TBL1XR1: variants seen among roughly 807,000 people sequenced by gnomAD.
TBL1XR1 encodes the protein F-box-like/WD repeat-containing protein TBL1XR1.
Under a neutral mutation model 66.9 loss-of-function variants are expected in TBL1XR1, and 5 were observed. The observed-to-expected ratio is 0.07, with a 90% confidence interval of 0.04 to 0.16. The LOEUF is 0.16. TBL1XR1 is among the 10% of genes least tolerant of loss of function. The pLI, the probability that TBL1XR1 is intolerant of heterozygous loss-of-function variation, is 1.00. For synonymous variants in TBL1XR1, 210 were observed against 206.0 expected (o/e 1.02, Z -0.17); for missense variants, 238 against 623.2 (o/e 0.38, Z 6.58).
intron 1 of TBL1XR1, chr3:177,120,810 A>C (rs1726896244): frequency 6.6e-6 from 1 of 152,266 alleles, no homozygotes; most frequent in South Asian, 2.1e-4. Context: ...TCAAATTTAC[A>C]GTATTTTAAT....
chr3:177,133,487 A>G (rs1347167202), intron 1 of TBL1XR1, among the ~76,000 whole-genome samples: 1 of 152,170 alleles, frequency 6.6e-6, no homozygotes, highest in Non-Finnish European at 1.5e-5. Flanking sequence ...ACTAGGCATG[A>G]TTAACAGTCA....
At chr3:177,032,749 A>G in intron 14 of TBL1XR1, 2 of 367,890 alleles carry the variant, frequency 5.4e-6, no homozygotes, top group East Asian at 4.1e-5. Flanking sequence ...GGAAAAAAAC[A>G]AAAGAATACA....
At chr3:177,050,642 G>A in intron 5 of TBL1XR1, 32 bp from the exon 6 acceptor site, 1 of 1,612,522 alleles carries the variant, frequency 6.2e-7, no homozygotes, top group Non-Finnish European at 8.5e-7. Flanking sequence ...AGCATTTCCA[G>A]TTAGGCAGTA....
intron 1 of TBL1XR1, among the ~76,000 whole-genome samples, chr3:177,187,099 G>A (rs1460512180): frequency 1.2e-4 from 17 of 147,052 alleles, no homozygotes; most frequent in East Asian, 4.1e-4. Flanking sequence ...CCCGGGAGGC[G>A]GAGTGTGCCA....
upstream of TBL1XR1, among the ~76,000 whole-genome samples, chr3:177,197,563 C>CGCGGCGGCG (rs550182398): frequency 1.5e-4 from 22 of 144,364 alleles, no homozygotes; most frequent in Non-Finnish European, 2.1e-4. Flanking sequence ...TCGCGAGGCC[C>CGCGGCGGCG]GCGGCGGCGG....
chr3:177,164,800 G>A (rs1350461275), intron 1 of TBL1XR1, among the ~76,000 whole-genome samples: 2 of 152,176 alleles, frequency 1.3e-5, no homozygotes, highest in African/African-American at 4.8e-5. Flanking sequence ...AAATTTCAAT[G>A]ACATTTTTCA....
intron 2 of TBL1XR1, among the ~76,000 whole-genome samples, chr3:177,066,226 A>T (rs1192948560): frequency 6.6e-6 from 1 of 152,174 alleles, no homozygotes; most frequent in Non-Finnish European, 1.5e-5. Context: ...ACTGCCCTAC[A>T]TTGAGGACAA....
intron 1 of TBL1XR1, among the ~76,000 whole-genome samples, chr3:177,187,700 G>C (rs1384773475): frequency 1.3e-5 from 2 of 151,936 alleles, no homozygotes; most frequent in East Asian, 3.9e-4. Context: ...TCTTTACAAT[G>C]TCCCGCTCTC....
chr3:177,029,239 G>A (rs998983883), intron 14 of TBL1XR1, among the ~76,000 whole-genome samples: 1 of 151,988 alleles, frequency 6.6e-6, no homozygotes, highest in Non-Finnish European at 1.5e-5. Context: ...AGTCCAGCCT[G>A]GGTAACACAG....
intron 1 of TBL1XR1, among the ~76,000 whole-genome samples, chr3:177,195,098 G>C (rs1736661476): frequency 6.6e-6 from 1 of 151,970 alleles, no homozygotes; most frequent in South Asian, 2.1e-4. Flanking sequence ...ATTTTGTCCT[G>C]TAGGTCGGAT....
chr3:177,070,869 AAAAAT>A (rs1167073691), intron 2 of TBL1XR1, among the ~76,000 whole-genome samples: 1 of 151,970 alleles, frequency 6.6e-6, no homozygotes, highest in Non-Finnish European at 1.5e-5. Flanking sequence ...ATAAATAAAT[AAAAAT>A]AAACTAAAAT....
intron 1 of TBL1XR1, among the ~76,000 whole-genome samples, chr3:177,175,195 A>G (rs1473752026): frequency 6.6e-6 from 1 of 152,236 alleles, no homozygotes; most frequent in Admixed American, 6.5e-5. Flanking sequence ...GTATTGTACT[A>G]CTTAACAAAC....
At chr3:177,070,381 TAC>T (rs1719812918) in intron 2 of TBL1XR1, among the ~76,000 whole-genome samples, 1 of 152,074 alleles carries the variant, frequency 6.6e-6, no homozygotes, top group Non-Finnish European at 1.5e-5. Context: ...CTGAATAAAT[TAC>T]AGTCAAGGTA....
intron 1 of TBL1XR1, chr3:177,163,865 T>C (rs371380849): frequency 4.6e-5 from 7 of 152,198 alleles, no homozygotes; most frequent in African/African-American, 7.2e-5. Flanking sequence ...CACATAGATA[T>C]ACACATAAAT....
At chr3:177,037,334 T>C (rs1399293429) in intron 12 of TBL1XR1, 1 of 152,258 alleles carries the variant, frequency 6.6e-6, no homozygotes, top group African/African-American at 2.4e-5. Context: ...ATTTATAGCA[T>C]GACCTTTCTT....
intron 1 of TBL1XR1, among the ~76,000 whole-genome samples, chr3:177,166,763 C>T (rs1181519575): frequency 3.3e-5 from 5 of 152,156 alleles, no homozygotes; most frequent in Admixed American, 3.3e-4. Context: ...ACTACATACA[C>T]CATTAGGGGA....
At chr3:177,168,305 A>G (rs969428413) in intron 1 of TBL1XR1, among the ~76,000 whole-genome samples, 5 of 150,626 alleles carry the variant, frequency 3.3e-5, no homozygotes, top group African/African-American at 1.2e-4. Context: ...TTTTGAGACG[A>G]AGTTTCACTC....
At chr3:177,167,426 T>G (rs940555870) in intron 1 of TBL1XR1, among the ~76,000 whole-genome samples, 4 of 152,196 alleles carry the variant, frequency 2.6e-5, no homozygotes, top group African/African-American at 9.7e-5. Flanking sequence ...ATACATTTGG[T>G]CGAACACGCA....
At chr3:177,141,159 A>G (rs1729584210) in intron 1 of TBL1XR1, among the ~76,000 whole-genome samples, 1 of 152,258 alleles carries the variant, frequency 6.6e-6, no homozygotes, top group Non-Finnish European at 1.5e-5. Context: ...ATTTAAAATA[A>G]AGCAAGCAAG....
Sources: allele counts gnomAD v4.1 joint callset (sites outside exome capture counted in the v4.1 genomes callset), GRCh38; gene constraint gnomAD v4.1.1; transcripts MANE v1.5; gene names NCBI Gene and HGNC (gene_info 2026-07-23, HGNC 2026-07-21).